Variants in GRHL1 observed in about 807,000 individuals in gnomAD.
GRHL1 encodes the protein grainyhead like transcription factor 1.
In GRHL1, 38 loss-of-function variants were observed where a neutral mutation model predicts 75.7. The ratio of observed to expected loss-of-function variants is 0.50; its 90% CI spans 0.39 to 0.66. The LOEUF (loss-of-function observed/expected upper bound fraction) is 0.66. Among genes scored for constraint, GRHL1 ranks in the 30% least tolerant of loss-of-function variants. The pLI, the probability that GRHL1 is intolerant of heterozygous loss-of-function variation, is 0.00. For missense variants in GRHL1, 589 were observed against 767.5 expected (o/e 0.77, Z 2.75); for synonymous variants, 266 against 279.4 (o/e 0.95, Z 0.48).
chr2:10,002,142 A>C lies in GRHL1; in HGVS notation c.*1435A>C, dbSNP rs1434582962. On this transcript the variant is annotated 3_prime_UTR_variant, in exon 16 of 16. Transcript: ENST00000324907. Reference sequence around the variant, plus strand: ...GGAACTAAATTGCTGGTTTTCTAAGATAAGATATGGGATATGGGTCATATA... The same window carrying C: ...GGAACTAAATTGCTGGTTTTCTAAGCTAAGATATGGGATATGGGTCATATA... 1.3e-5 allele frequency: 2 copies of C among 152,658 alleles called. No homozygotes were observed. The highest frequency in any genetic ancestry group is 2.9e-5 in the Non-Finnish European group (2 of 68,038). The allele number at this position is 152,658 out of a possible 1,614,324, so 9.5% of individuals were successfully genotyped here.
At position 9,998,448 on chromosome 2, in the gene GRHL1, GTATA is replaced by G. The variant is rs764697201; in HGVS notation, c.1678-510_1678-507del. 1.1e-3 allele frequency among the ~76,000 whole-genome samples: 76 copies of G among 71,156 alleles called. 4 individuals are homozygous for G. The highest frequency in any genetic ancestry group is 4.6e-3 in the African/African-American group (72 of 15,786). The allele number at this position is 71,156 out of a possible 152,430, so 46.7% of individuals were successfully genotyped here. A position where few individuals can be genotyped will look rare whatever the true frequency, so the allele number is the denominator to read the frequency against. On this transcript the variant is annotated intron_variant, in intron 14 of 15. Transcript: ENST00000324907. ...CATGTGTGTGTGTGTGTGTGTGTGT[GTATA>G]TATATACATATATATACGTATATAT...
chr2:9,962,143 G>T (rs2125209768), intron 4 of GRHL1, among the ~76,000 whole-genome samples: 1 of 152,202 alleles, frequency 6.6e-6, no homozygotes, highest in South Asian at 2.1e-4. Flanking sequence ...ATGAAATTTT[G>T]GTTGCAGGTC....
chr2:9,973,126 G>A (rs1667803568), intron 8 of GRHL1, among the ~76,000 whole-genome samples: 1 of 152,142 alleles, frequency 6.6e-6, no homozygotes, highest in African/African-American at 2.4e-5. Context: ...TCCCTTGATG[G>A]TGATTGGATA....
intron 8 of GRHL1, among the ~76,000 whole-genome samples, chr2:9,985,176 T>G (rs1019187492): frequency 2.0e-5 from 3 of 152,194 alleles, no homozygotes; most frequent in Non-Finnish European, 4.4e-5. Flanking sequence ...TTAGACAGTT[T>G]CTCTGAAGTA....
At chr2:9,978,203 CAG>C (rs1383479172) in intron 8 of GRHL1, among the ~76,000 whole-genome samples, 1 of 152,154 alleles carries the variant, frequency 6.6e-6, no homozygotes, top group Non-Finnish European at 1.5e-5. Flanking sequence ...TCTGTCCTCA[CAG>C]GGAGTTTGAG....
intron 8 of GRHL1, among the ~76,000 whole-genome samples, chr2:9,966,573 T>G (rs1667505554): frequency 1.3e-5 from 2 of 152,220 alleles, no homozygotes; most frequent in South Asian, 2.1e-4. Flanking sequence ...TGTTTTTTAC[T>G]TTTTCTTTTA....
Position 9,962,493 on chromosome 2 carries a change from C to A in GRHL1, c.708C>A (p.Gly236=). The change falls in exon 5 of 16, where the codon GGC becomes GGA. Residue 236 remains glycine (G), a synonymous_variant. Transcript: ENST00000324907. The part of the protein sequence containing the change: ...FPSDLSLRMP[G]MNSEDYVFDS... ...CGGATCTCAGTCTGCGGATGCCTGG[C>A]ATGAATTCAGAGGACTATGTTTTTG... 1 of 1,603,028 alleles carries A rather than the reference C, an allele frequency of 6.2e-7. No homozygotes were observed. Among genetic ancestry groups the A allele is most frequent in the Non-Finnish European group, 8.5e-7 (1 of 1,169,950 alleles).
At chr2:9,984,278 C>T (rs1668323729) in intron 8 of GRHL1, among the ~76,000 whole-genome samples, 1 of 152,178 alleles carries the variant, frequency 6.6e-6, no homozygotes, top group Admixed American at 6.5e-5. Context: ...CCATTCTTGG[C>T]TGTTGACCCA....
intron 8 of GRHL1, among the ~76,000 whole-genome samples, chr2:9,969,874 A>G (rs4635506): frequency 0.39 from 53,228 of 135,786 alleles, 11,578 homozygotes; most frequent in African/African-American, 0.59. Context: ...ATGGAGTCTC[A>G]CTCTTTCGCC....
chr2:9,964,539 G>A (rs531608489), intron 7 of GRHL1, 193 bp downstream of exon 7: 104 of 513,372 alleles, frequency 2.0e-4, no homozygotes, highest in African/African-American at 1.9e-3. Flanking sequence ...GCAGTAATGG[G>A]ACATGTGCCC....
chr2:9,988,837 C>T (rs1668528176), intron 9 of GRHL1, among the ~76,000 whole-genome samples: 1 of 152,140 alleles, frequency 6.6e-6, no homozygotes, highest in South Asian at 2.1e-4. Flanking sequence ...GAGGGTAAAT[C>T]TGATCTGTGT....
Position 9,954,748 on chromosome 2 carries a change from T to C in GRHL1, c.21-167T>C, listed in dbSNP as rs1161099750. On this transcript the variant is annotated intron_variant, in intron 1 of 15. Coordinates refer to ENST00000324907, the MANE Select transcript of GRHL1 (RefSeq NM_198182.3). ...ACTTTATGTCTTACTGTGGGACCCATTGGTCTGCACTTACGTGGTTTGTCT... is the reference window on the plus strand; with the variant it reads ...ACTTTATGTCTTACTGTGGGACCCACTGGTCTGCACTTACGTGGTTTGTCT... 32 of 674,272 alleles carry C rather than the reference T, an allele frequency of 4.7e-5. 1 individual carries two copies. Among genetic ancestry groups the C allele is most frequent in the South Asian group, 4.5e-4 (28 of 61,614 alleles). The allele number at this position is 674,272 out of a possible 1,614,324, so 41.8% of individuals were successfully genotyped here. A position where few individuals can be genotyped will look rare whatever the true frequency, so the allele number is the denominator to read the frequency against.
At chr2:9,998,721 C>CAT (rs1245619054) in intron 14 of GRHL1, among the ~76,000 whole-genome samples, 1 of 54,196 alleles carries the variant, frequency 1.8e-5, no homozygotes, top group African/African-American at 1.2e-4. Flanking sequence ...TATATGTACA[C>CAT]ACATATATAC....
In GRHL1 at chr2:9,965,347, T is replaced by C; in HGVS notation, c.1076T>C (p.Ile359Thr). 6.2e-7 allele frequency: 1 copy of C among 1,611,452 alleles called. No homozygotes were observed. The highest frequency in any genetic ancestry group is 8.5e-7 in the Non-Finnish European group (1 of 1,177,498). The change falls in exon 8 of 16, where the codon ATT becomes ACT. Residue 359 changes from isoleucine to threonine, a missense_variant. Physicochemically the swap from Ile to Thr is moderately conservative, Grantham distance 89 (BLOSUM62 -1). This residue lies in a region of GRHL1 where 362 missense variants were observed against 461.8 expected (regional missense o/e 0.78). Transcript: ENST00000324907. ...SNIEEIAYNAISFTWDINDEA... is the reference protein window; with the variant it reads ...SNIEEIAYNATSFTWDINDEA... ...ATCGAGGAGATTGCGTATAACGCCATTTCCTTCACATGGGACATCAACGAT... is the reference window on the plus strand; with the variant it reads ...ATCGAGGAGATTGCGTATAACGCCACTTCCTTCACATGGGACATCAACGAT...
At chr2:9,999,499 C>T (rs1406502524) in intron 15 of GRHL1, among the ~76,000 whole-genome samples, 1 of 152,216 alleles carries the variant, frequency 6.6e-6, no homozygotes, top group Non-Finnish European at 1.5e-5. Context: ...TTGGTCTTCA[C>T]GTCTTCTTTC....
At chr2:9,999,147 G>C (rs1388958388) in intron 15 of GRHL1, 118 bp downstream of exon 15, 2 of 349,494 alleles carry the variant, frequency 5.7e-6, no homozygotes, top group African/African-American at 2.2e-5. Context: ...CACCGTGCAT[G>C]CTAGTGACAC....
Position 9,964,221 on chromosome 2 carries a change from A to T in GRHL1, c.904-14A>T, listed in dbSNP as rs772659262. The T allele has an allele frequency of 1.3e-5, 19 of 1,515,398 alleles. No homozygotes were observed. The South Asian group carries it at 1.8e-4, about 15-fold the overall frequency. The allele number at this position is 1,515,398 out of a possible 1,614,324, so 93.9% of individuals were successfully genotyped here. On this transcript the variant is annotated splice_polypyrimidine_tract_variant and intron_variant, in intron 6 of 15. Coordinates refer to ENST00000324907, the MANE Select transcript of GRHL1 (RefSeq NM_198182.3). ...CTTTAGTGTCTTTATGTTGTAATGC[A>T]TTCTCTTTCACAGAGTGTGATCATG...
chr2:9,971,945 C>T (rs567769857), intron 8 of GRHL1, among the ~76,000 whole-genome samples: 6 of 152,218 alleles, frequency 3.9e-5, no homozygotes, highest in African/African-American at 1.4e-4. Flanking sequence ...AAAACATGTT[C>T]CATGCAGATG....
At chr2:9,970,147 A>G (rs1667664411) in intron 8 of GRHL1, among the ~76,000 whole-genome samples, 1 of 152,188 alleles carries the variant, frequency 6.6e-6, no homozygotes, top group Non-Finnish European at 1.5e-5. Context: ...CCAGCCAGTA[A>G]GCACACTTTT....
Sources: allele counts gnomAD v4.1 joint callset (sites outside exome capture counted in the v4.1 genomes callset), GRCh38; gene constraint gnomAD v4.1.1; regional missense constraint gnomAD v4.1.1; transcripts MANE v1.5; gene names NCBI Gene and HGNC (gene_info 2026-07-23, HGNC 2026-07-21).